Variants in FRMD4B observed in about 807,000 individuals in gnomAD.
The protein encoded by FRMD4B is FERM domain containing 4B, also known as FERM domain-containing protein 4B.
In FRMD4B, 74 loss-of-function variants were observed where a neutral mutation model predicts 141.5. The observed-to-expected ratio is 0.52, with a 90% CI of 0.43 to 0.63. The LOEUF (loss-of-function observed/expected upper bound fraction) is 0.63, where lower values mean the gene tolerates loss of function less well. Ranked by LOEUF, FRMD4B falls within the 30% of genes least tolerant of loss-of-function variation. FRMD4B has a pLI of 0.00. For synonymous variants in FRMD4B, 506 were observed against 467.9 expected, an observed-to-expected ratio of 1.08 and a Z score of -1.05; for missense variants, 1,366 against 1,253.4, an observed-to-expected ratio of 1.09 and a Z score of -1.36.
intron 1 of FRMD4B, among the ~76,000 whole-genome samples, chr3:69,451,295 A>G (rs1705495130): frequency 6.6e-6 from 1 of 152,164 alleles, no homozygotes; most frequent in Non-Finnish European, 1.5e-5. Flanking sequence ...ACAATAAACC[A>G]CTACCTACAT....
intron 5 of FRMD4B, among the ~76,000 whole-genome samples, chr3:69,274,674 A>T (rs1575681433): frequency 6.6e-6 from 1 of 152,086 alleles, no homozygotes; most frequent in East Asian, 1.9e-4. Flanking sequence ...GCATGCCACC[A>T]GGCCTGGCTA....
At chr3:69,184,420 GTGT>G (rs1489463308) in intron 19 of FRMD4B, among the ~76,000 whole-genome samples, 1 of 152,098 alleles carries the variant, frequency 6.6e-6, no homozygotes, top group Non-Finnish European at 1.5e-5. Context: ...TTTGCCTACA[GTGT>G]TATTTTAATG....
intron 1 of FRMD4B, among the ~76,000 whole-genome samples, chr3:69,435,040 G>A (rs1705238775): frequency 6.6e-6 from 1 of 152,018 alleles, no homozygotes; most frequent in African/African-American, 2.4e-5. Flanking sequence ...TTCTTATAAA[G>A]ACACCAGTCA....
intron 1 of FRMD4B, among the ~76,000 whole-genome samples, chr3:69,521,555 T>G (rs1700856216): frequency 6.6e-6 from 1 of 152,222 alleles, no homozygotes; most frequent in Non-Finnish European, 1.5e-5. Context: ...GTCCCCTCTC[T>G]GCTTAAGAAA....
chr3:69,347,851 A>G (rs1233634216), intron 1 of FRMD4B, among the ~76,000 whole-genome samples: 2 of 152,230 alleles, frequency 1.3e-5, no homozygotes, highest in African/African-American at 4.8e-5. Flanking sequence ...AGGGAAATTT[A>G]TAGCACTAAA....
chr3:69,366,095 A>G (rs1346640702), intron 1 of FRMD4B, among the ~76,000 whole-genome samples: 1 of 151,158 alleles, frequency 6.6e-6, no homozygotes, highest in Non-Finnish European at 1.5e-5. Flanking sequence ...ACACACACAC[A>G]CACACACACA....
rs142740611 is a variant in FRMD4B at position 69,260,595 on chromosome 3, C to T, written c.502-10496G>A. ...ACATGGCCCGAACCTCCCCAATGGGCGCCGCCTGGTCCCATCGACCGCCTA... is the reference window on the plus strand; with the variant it reads ...ACATGGCCCGAACCTCCCCAATGGGTGCCGCCTGGTCCCATCGACCGCCTA... On this transcript the variant is annotated intron_variant, in intron 5 of 22. Transcript: ENST00000398540. Among the ~76,000 whole-genome samples, 311 of 152,368 alleles carry T rather than the reference C, an allele frequency of 2.0e-3. 5 individuals carry two copies. The highest frequency in any genetic ancestry group is 3.1e-3 in the East Asian group (16 of 5,184).
Position 69,236,390 on chromosome 3 carries a change from G to A in FRMD4B, c.582-11700C>T, listed in dbSNP as rs546156462. 9.2e-5 allele frequency among the ~76,000 whole-genome samples: 14 copies of A among 152,026 alleles called. No homozygotes were observed. In the East Asian group the frequency reaches 9.7e-4, roughly 11 times the overall value. On this transcript the variant is annotated intron_variant, in intron 7 of 22. Transcript: ENST00000398540. The stretch of plus-strand genomic sequence containing the variant: ...ACTATAGGCACCTGCCACGATGCCC[G>A]GGTAATTTTTATATGTTTAGTAGAG...
chr3:69,249,902 G>C, intron 6 of FRMD4B, 141 bp downstream of exon 6: 1 of 664,518 alleles, frequency 1.5e-6, no homozygotes, highest in South Asian at 1.7e-5. Flanking sequence ...AGACGGTGGC[G>C]CACATTTTTC....
chr3:69,496,927 T>C (rs1469670863), intron 1 of FRMD4B, among the ~76,000 whole-genome samples: 1 of 151,904 alleles, frequency 6.6e-6, no homozygotes. Flanking sequence ...AATTGTTTGC[T>C]CTTCTCCCAA....
intron 1 of FRMD4B, among the ~76,000 whole-genome samples, chr3:69,496,632 AGAGAAAGAGAGAGAGAG>A (rs1559545662): frequency 1.0e-4 from 8 of 79,486 alleles, no homozygotes; most frequent in African/African-American, 3.7e-4. Context: ...AGAGAGAGAG[AGAGAAAGAGAGAGAGAG>A]AGAGAGAGAG....
chr3:69,261,468 T>G (rs778161810), intron 5 of FRMD4B, among the ~76,000 whole-genome samples: 4 of 152,210 alleles, frequency 2.6e-5, no homozygotes, highest in African/African-American at 9.7e-5. Context: ...ATGTTAACTT[T>G]TAGCTAATTT....
chr3:69,226,073 A>T (rs2093251377), intron 7 of FRMD4B, among the ~76,000 whole-genome samples: 1 of 152,204 alleles, frequency 6.6e-6, no homozygotes, highest in Admixed American at 6.5e-5. Context: ...ATTTAAGTAG[A>T]CGAGCCCCCC....
At chr3:69,499,581 T>G (rs1706458959) in intron 1 of FRMD4B, among the ~76,000 whole-genome samples, 2 of 152,222 alleles carry the variant, frequency 1.3e-5, no homozygotes, top group African/African-American at 4.8e-5. Context: ...ATACTGATGA[T>G]GCAATCCACA....
intron 1 of FRMD4B, among the ~76,000 whole-genome samples, chr3:69,466,274 G>A (rs573506659): frequency 2.0e-5 from 3 of 152,138 alleles, no homozygotes; most frequent in South Asian, 4.1e-4. Flanking sequence ...TAAGTTCTTT[G>A]TAGATTCTGG....
At chr3:69,478,454 C>T (rs1706043392) in intron 1 of FRMD4B, among the ~76,000 whole-genome samples, 2 of 152,134 alleles carry the variant, frequency 1.3e-5, no homozygotes, top group African/African-American at 2.4e-5. Context: ...GCCTTCATTT[C>T]GTTAGGTACC....
chr3:69,511,363 C>T (rs6787137), intron 1 of FRMD4B, among the ~76,000 whole-genome samples: 6,666 of 152,226 alleles, frequency 0.044, 473 homozygotes, highest in African/African-American at 0.15. Flanking sequence ...AGCCACTATG[C>T]TAGGCCCTGA....
At chr3:69,384,944 G>T (rs1410912311) in intron 1 of FRMD4B, among the ~76,000 whole-genome samples, 1 of 151,890 alleles carries the variant, frequency 6.6e-6, no homozygotes, top group Non-Finnish European at 1.5e-5. Flanking sequence ...TCACAGGAAA[G>T]AAAATATGAT....
intron 4 of FRMD4B, among the ~76,000 whole-genome samples, chr3:69,294,622 T>C (rs1201599591): frequency 1.3e-5 from 2 of 152,208 alleles, no homozygotes; most frequent in Non-Finnish European, 2.9e-5. Flanking sequence ...CTCTTGCTCC[T>C]TTCCCACAGC....
Sources: gnomAD v4.1 joint callset for allele counts (sites outside exome capture counted in the v4.1 genomes callset) on GRCh38, gnomAD v4.1.1 for gene constraint, MANE v1.5 for transcripts, NCBI Gene and HGNC (gene_info 2026-07-23, HGNC 2026-07-21) for gene names.